Variants in ANO6 observed in about 807,000 individuals in gnomAD.
The protein encoded by ANO6 is anoctamin-6.
In ANO6, 106 loss-of-function variants were observed where a neutral mutation model predicts 117.5. The observed-to-expected ratio is 0.90, with a 90% CI of 0.77 to 1.06. The LOEUF (loss-of-function observed/expected upper bound fraction) is 1.06, where lower values mean the gene tolerates loss of function less well. ANO6 is among the 50% of genes least tolerant of loss of function. The probability of loss-of-function intolerance (pLI) is 0.00; values close to 1 mark genes in which losing one functional copy is unlikely to be tolerated. For synonymous variants in ANO6, 367 were observed against 385.1 expected, an observed-to-expected ratio of 0.95 and a Z score of 0.55; for missense variants, 955 against 1,121.1, an observed-to-expected ratio of 0.85 and a Z score of 2.12.
chr12:45,262,201 G>A (rs778641833), intron 1 of ANO6, among the ~76,000 whole-genome samples: 16 of 151,940 alleles, frequency 1.1e-4, no homozygotes, highest in African/African-American at 3.9e-4. Flanking sequence ...CTGCTTTCCC[G>A]CCTTTTAAAA....
At chr12:45,285,240 C>A (rs1036682530) in intron 1 of ANO6, among the ~76,000 whole-genome samples, 36 of 152,200 alleles carry the variant, frequency 2.4e-4, no homozygotes, top group Admixed American at 6.5e-5. Context: ...TCCTGCCTGC[C>A]ATCCATCACC....
chr12:45,432,346 A>G lies in ANO6; in HGVS notation c.*3035A>G, dbSNP rs967339900. The G allele has an allele frequency of 1.2e-6, 1 of 829,150 alleles. No homozygotes were observed. The highest frequency in any genetic ancestry group is 1.9e-5 in the African/African-American group (1 of 53,262). 51.4% of individuals were successfully genotyped at this position (829,150 alleles called of 1,614,324 possible). ...CATTTTAATAAATTCATTTTTACAA[A>G]CAATAGTATGGTCTATTCTATATTG... On this transcript the variant is annotated 3_prime_UTR_variant, in exon 20 of 20. Transcript: ENST00000320560.
intron 1 of ANO6, among the ~76,000 whole-genome samples, chr12:45,239,994 A>T (rs956507827): frequency 4.6e-5 from 7 of 152,148 alleles, no homozygotes; most frequent in Admixed American, 4.6e-4. Flanking sequence ...AAGAATGTAT[A>T]TTCTGTTGAT....
intron 3 of ANO6, among the ~76,000 whole-genome samples, chr12:45,340,962 T>C (rs1188535559): frequency 6.6e-6 from 1 of 152,208 alleles, no homozygotes; most frequent in Non-Finnish European, 1.5e-5. Context: ...ATTTTTTAAG[T>C]ATTCCACTAG....
chr12:45,431,475 C>T lies in ANO6; in HGVS notation c.*2164C>T, dbSNP rs1197791679. On this transcript the variant is annotated 3_prime_UTR_variant, in exon 20 of 20. Transcript: ENST00000320560. The stretch of plus-strand genomic sequence containing the variant: ...CTTAAAAGAAATGTGCATTTGTTTT[C>T]ATAGCCCCAGCAGAGAAAATCCTCT... The T allele has an allele frequency of 2.0e-6, 2 of 985,266 alleles. No homozygotes were observed. 61.0% of individuals were successfully genotyped at this position (985,266 alleles called of 1,614,324 possible).
intron 1 of ANO6, chr12:45,292,898 C>G: frequency 6.4e-7 from 1 of 1,551,168 alleles, no homozygotes; most frequent in South Asian, 1.2e-5. Flanking sequence ...TTGTCCATTC[C>G]CCCTTTTGTT....
chr12:45,327,216 A>T (rs1313112151), intron 2 of ANO6, among the ~76,000 whole-genome samples: 1 of 152,200 alleles, frequency 6.6e-6, no homozygotes, highest in African/African-American at 2.4e-5. Context: ...GCAAAGTTAG[A>T]GCTCTCTAGT....
chr12:45,306,739 G>C (rs1483889089), intron 2 of ANO6, among the ~76,000 whole-genome samples: 1 of 151,820 alleles, frequency 6.6e-6, no homozygotes, highest in African/African-American at 2.4e-5. Flanking sequence ...AAAAATCCCT[G>C]CACTTGTGAA....
At chr12:45,219,013 C>T (rs527940118) in intron 1 of ANO6, among the ~76,000 whole-genome samples, 52 of 152,102 alleles carry the variant, frequency 3.4e-4, no homozygotes, top group African/African-American at 9.2e-4. Context: ...GATCATAGTT[C>T]GCTGCAGTCT....
intron 2 of ANO6, among the ~76,000 whole-genome samples, chr12:45,317,113 G>GTCTGTGTGTATATATATATATATATA: frequency 1.5e-5 from 1 of 66,448 alleles, no homozygotes; most frequent in Non-Finnish European, 3.7e-5. Context: ...CTTTTTATAT[G>GTCTGTGTGTATATATATATATATATA]TATATATATA....
chr12:45,422,966 T>C lies in ANO6; in HGVS notation c.2430T>C (p.Asp810=). ...LGNHTTCRYR[D]FRYPPGHPQE... is the part of the protein sequence containing the mutation. Reference sequence around the variant, plus strand: ...TCCATTTTGTTTTCAGGTATCGTGATTTCCGATACCCACCTGGACACCCCC... The same window carrying C: ...TCCATTTTGTTTTCAGGTATCGTGACTTCCGATACCCACCTGGACACCCCC... The change falls in exon 19 of 20, where the codon GAT becomes GAC. Residue 810 remains aspartate, a synonymous_variant. Transcript: ENST00000320560. 6.2e-7 allele frequency: 1 copy of C among 1,611,916 alleles called. No homozygotes were observed. The highest frequency in any genetic ancestry group is 8.5e-7 in the Non-Finnish European group (1 of 1,177,920).
chr12:45,297,664 C>T (rs1939339041), intron 1 of ANO6, among the ~76,000 whole-genome samples: 2 of 152,130 alleles, frequency 1.3e-5, no homozygotes, highest in African/African-American at 2.4e-5. Flanking sequence ...AGAAGCAGTA[C>T]CACCAAGGAC....
intron 18 of ANO6, among the ~76,000 whole-genome samples, chr12:45,422,524 A>G (rs935756585): frequency 1.3e-5 from 2 of 152,100 alleles, no homozygotes; most frequent in African/African-American, 4.8e-5. Flanking sequence ...ATTGAGCTTT[A>G]AGAGAAAATG....
chr12:45,272,417 G>A (rs576640950), intron 1 of ANO6, among the ~76,000 whole-genome samples: 1 of 152,040 alleles, frequency 6.6e-6, no homozygotes, highest in African/African-American at 2.4e-5. Context: ...CTGCAAATTA[G>A]GATTTATTCT....
chr12:45,238,991 T>A (rs11561532), intron 1 of ANO6, among the ~76,000 whole-genome samples: 8,942 of 152,254 alleles, frequency 0.059, 491 homozygotes, highest in East Asian at 0.3. Flanking sequence ...GGGATATTGA[T>A]CTAAAATTCT....
At chr12:45,421,805 T>C (rs1247308525) in intron 18 of ANO6, among the ~76,000 whole-genome samples, 7 of 152,226 alleles carry the variant, frequency 4.6e-5, no homozygotes, top group South Asian at 4.1e-4. Context: ...TATTCCAAAG[T>C]TCTCTGCATC....
intron 1 of ANO6, among the ~76,000 whole-genome samples, chr12:45,227,597 C>T (rs1327825137): frequency 6.6e-6 from 1 of 152,058 alleles, no homozygotes; most frequent in Non-Finnish European, 1.5e-5. Context: ...ACATTATCAC[C>T]CTCATAATAA....
At chr12:45,246,640 T>G (rs1947829373) in intron 1 of ANO6, among the ~76,000 whole-genome samples, 1 of 152,186 alleles carries the variant, frequency 6.6e-6, no homozygotes, top group Non-Finnish European at 1.5e-5. Flanking sequence ...GAATGTAGAC[T>G]TGTTTCCCTG....
chr12:45,327,240 T>C (rs1940500538), intron 2 of ANO6, among the ~76,000 whole-genome samples: 2 of 152,122 alleles, frequency 1.3e-5, no homozygotes, highest in African/African-American at 2.4e-5. Flanking sequence ...AAGGTGTACA[T>C]GAAAAAAACA....
Sources: gnomAD v4.1 joint callset for allele counts (sites outside exome capture counted in the v4.1 genomes callset) on GRCh38, gnomAD v4.1.1 for gene constraint, MANE v1.5 for transcripts, NCBI Gene and HGNC (gene_info 2026-07-23, HGNC 2026-07-21) for gene names.